The following MAN1C1 variants were observed in gnomAD, a reference collection of about 807,000 sequenced individuals.
MAN1C1 encodes mannosidase alpha class 1C member 1, also known as mannosyl-oligosaccharide 1,2-alpha-mannosidase IC.
MAN1C1 carries 49 observed loss-of-function variants against 71.5 expected under a neutral mutation model. That is an observed-to-expected ratio of 0.69 (90% CI 0.54 to 0.87). The LOEUF (loss-of-function observed/expected upper bound fraction) is 0.87. Among genes scored for constraint, MAN1C1 ranks in the 40% least tolerant of loss-of-function variants. The pLI is 0.00. For synonymous variants in MAN1C1, 352 were observed against 343.7 expected, an observed-to-expected ratio of 1.02 and a Z score of -0.27; for missense variants, 743 against 835.0, an observed-to-expected ratio of 0.89 and a Z score of 1.36.
Position 25,630,596 on chromosome 1 carries a change from C to T in MAN1C1, c.540+12259C>T, listed in dbSNP as rs1181184517. Among the ~76,000 whole-genome samples the T allele has an allele frequency of 5.3e-5, 8 of 152,052 alleles. 1 individual carries two copies. The East Asian group carries it at 1.3e-3, about 26-fold the overall frequency. The stretch of plus-strand genomic sequence containing the variant: ...TTTCTTCCAGCAGTGTCTTGTTGTT[C>T]TCCTTGTAGAGAAATTTCACCTCCT... On this transcript the variant is annotated intron_variant, in intron 1 of 11. Transcript: ENST00000374332.
chr1:25,734,718 A>C (rs2046958187), intron 2 of MAN1C1, among the ~76,000 whole-genome samples: 1 of 151,866 alleles, frequency 6.6e-6, no homozygotes, highest in South Asian at 2.1e-4. Context: ...CCAATCCTTC[A>C]CTCCGCAGAT....
chr1:25,752,043 G>A (rs1245847803), intron 4 of MAN1C1, among the ~76,000 whole-genome samples: 5 of 152,130 alleles, frequency 3.3e-5, no homozygotes, highest in Admixed American at 3.3e-4. Flanking sequence ...CCTGGGCTGA[G>A]GCCTTTCTTT....
At chr1:25,772,620 T>G (rs1427146873) in intron 8 of MAN1C1, among the ~76,000 whole-genome samples, 1 of 152,194 alleles carries the variant, frequency 6.6e-6, no homozygotes, top group Non-Finnish European at 1.5e-5. Context: ...TACCTCCTTA[T>G]TTTCTCTAAA....
chr1:25,626,609 C>T (rs992259063), intron 1 of MAN1C1, among the ~76,000 whole-genome samples: 20 of 152,124 alleles, frequency 1.3e-4, no homozygotes, highest in African/African-American at 4.1e-4. Flanking sequence ...CCGCCTGCCT[C>T]GGCCTCCCAA....
rs1189699219 is a variant in MAN1C1 at position 25,747,659 on chromosome 1, G to A, written c.753+876G>A. The stretch of plus-strand genomic sequence containing the variant: ...GCTTGCCAGCACAGAGCAGGGTGGA[G>A]AGAGAGTCTGGGAGAGCCTGGGAAC... On this transcript the variant is annotated intron_variant, in intron 3 of 11. Transcript: ENST00000374332. Among the ~76,000 whole-genome samples the A allele has an allele frequency of 5.3e-5, 8 of 152,304 alleles. No homozygotes were observed. The East Asian group carries it at 1.5e-3, about 29-fold the overall frequency.
intron 1 of MAN1C1, among the ~76,000 whole-genome samples, chr1:25,679,970 TATATATATAC>T (rs1452032977): frequency 3.6e-5 from 5 of 139,040 alleles, no homozygotes; most frequent in African/African-American, 1.4e-4. Context: ...TATATATATA[TATATATATAC>T]ACACACACAC....
intron 1 of MAN1C1, among the ~76,000 whole-genome samples, chr1:25,669,963 AAGAACTACCAGAAAATGT>A (rs747181117): frequency 1.3e-5 from 2 of 152,252 alleles, no homozygotes; most frequent in East Asian, 1.9e-4. Context: ...TTTCGGTTCC[AAGAACTACCAGAAAATGT>A]AGAACTACCA....
chr1:25,759,485 T>G (rs1316434509), intron 6 of MAN1C1: 1 of 152,148 alleles, frequency 6.6e-6, no homozygotes, highest in Non-Finnish European at 1.5e-5. Context: ...TCCCAAAGCC[T>G]TGTCTTCCCC....
At position 25,764,475 on chromosome 1, in the gene MAN1C1, C is replaced by T. The variant is rs761011759; in HGVS notation, c.1141+508C>T. On this transcript the variant is annotated intron_variant, in intron 7 of 11. Transcript: ENST00000374332. The surrounding 1 kb of genome is among the most constrained non-coding windows in gnomAD (Gnocchi z 4.4). ...TCACCCAGGCCGGAGTGCAGTGGCA[C>T]GATCTCGGCTCACTGCAACCTCTGC... Among the ~76,000 whole-genome samples, 1 of 151,978 alleles carries T rather than the reference C, an allele frequency of 6.6e-6. No individual in the cohort carries two copies. Among genetic ancestry groups the T allele is most frequent in the Non-Finnish European group, 1.5e-5 (1 of 68,006 alleles).
rs1000203287 is a variant in MAN1C1, at chr1:25,617,630, C to G, written c.-168C>G. On this transcript the variant is annotated 5_prime_UTR_variant, in exon 1 of 12. Coordinates refer to ENST00000374332, the MANE Select transcript of MAN1C1 (RefSeq NM_020379.4). This position sits in a 1 kb window ranked among gnomAD's most constrained non-coding sequence, Gnocchi z 5.1. ...TCCTCGCGGGAGGACTCGCTCCAAA[C>G]TCCCTGAACTTCGGGGACAGTCCCC... is the stretch of plus-strand genomic sequence containing the variant. 40 of 570,158 alleles carry G rather than the reference C, an allele frequency of 7.0e-5. 1 individual carries two copies. The highest frequency in any genetic ancestry group is 4.2e-4 in the African/African-American group (21 of 49,846). 35.3% of individuals were successfully genotyped at this position (570,158 alleles called of 1,614,324 possible).
intron 2 of MAN1C1, 28 bp downstream of exon 2, chr1:25,686,564 T>C (rs1572149603): frequency 3.1e-6 from 5 of 1,597,296 alleles, no homozygotes; most frequent in Admixed American, 1.7e-5. Context: ...ACTTTGATAT[T>C]GGGAGGGACC....
chr1:25,758,854 A>G, intron 6 of MAN1C1, 145 bp downstream of exon 6: 3 of 713,662 alleles, frequency 4.2e-6, no homozygotes, highest in East Asian at 2.5e-5. Context: ...CCACTAAGGT[A>G]GCAAATAGTA....
intron 1 of MAN1C1, among the ~76,000 whole-genome samples, chr1:25,630,164 A>C (rs2045357537): frequency 6.6e-6 from 1 of 152,046 alleles, no homozygotes; most frequent in Non-Finnish European, 1.5e-5. Flanking sequence ...ACCCTATTTA[A>C]AAAATAAATA....
Position 25,654,013 on chromosome 1 carries a change from G to A in MAN1C1, c.541-32427G>A, listed in dbSNP as rs561529446. On this transcript the variant is annotated intron_variant, in intron 1 of 11. Transcript: ENST00000374332. ...AGACCCCACAGCAAATAATTATCTG[G>A]CCCAACATGTCAGCAGTGCCGGGAC... 7.0e-4 allele frequency among the ~76,000 whole-genome samples: 106 copies of A among 152,242 alleles called. 2 individuals are homozygous for A. The highest frequency in any genetic ancestry group is 3.4e-3 in the Middle Eastern group (1 of 294).
At chr1:25,783,544 G>C (rs1021464268) in intron 11 of MAN1C1, 119 bp from the exon 12 acceptor site, 7 of 1,183,654 alleles carry the variant, frequency 5.9e-6, no homozygotes, top group Admixed American at 1.8e-5. Context: ...GGGTTGCAAG[G>C]CTCCAGACCT....
chr1:25,741,609 C>T (rs1443517994), intron 2 of MAN1C1, among the ~76,000 whole-genome samples: 1 of 152,100 alleles, frequency 6.6e-6, no homozygotes, highest in Non-Finnish European at 1.5e-5. Flanking sequence ...ACGCATGAGT[C>T]CATTAGCATG....
At chr1:25,719,395 TTTTA>T (rs76291035) in intron 2 of MAN1C1, among the ~76,000 whole-genome samples, 38,190 of 139,658 alleles carry the variant, frequency 0.27, 5,395 homozygotes, top group East Asian at 0.38. Context: ...ATTTTTTATC[TTTTA>T]TTTATTTATT....
Position 25,783,662 on chromosome 1 carries a change from G to A in MAN1C1, c.1767-1G>A. On this transcript the variant is annotated splice_acceptor_variant, in intron 11 of 11. Transcript: ENST00000374332. LOFTEE classifies it high-confidence loss of function. Reference sequence around the variant, plus strand: ...GCTTCCCTGCCCTGCGTGGGGCACAGGTATCTCTATCTTCTGTTCTCTGAA... The same window carrying A: ...GCTTCCCTGCCCTGCGTGGGGCACAAGTATCTCTATCTTCTGTTCTCTGAA... 1 of 1,611,826 alleles carries A rather than the reference G, an allele frequency of 6.2e-7. No individual in the cohort carries two copies. Among genetic ancestry groups the A allele is most frequent in the Non-Finnish European group, 8.5e-7 (1 of 1,179,824 alleles).
intron 2 of MAN1C1, among the ~76,000 whole-genome samples, chr1:25,710,329 TGTAAAAGCCTGG>T (rs1037906319): frequency 6.6e-6 from 1 of 152,256 alleles, no homozygotes; most frequent in African/African-American, 2.4e-5. Flanking sequence ...CAATGTCATA[TGTAAAAGCCTGG>T]CCTGCCCAGG....
Sources: gnomAD v4.1 joint callset for allele counts (sites outside exome capture counted in the v4.1 genomes callset) on GRCh38, gnomAD v4.1.1 for gene constraint, Gnocchi (gnomAD v3.1) non-coding constraint, MANE v1.5 for transcripts, NCBI Gene and HGNC (gene_info 2026-07-23, HGNC 2026-07-21) for gene names.